SLC23A2: variants seen among roughly 807,000 people sequenced by gnomAD.
SLC23A2 encodes Na(+)/L-ascorbic acid transporter 2.
A neutral mutation model predicts 73.3 loss-of-function variants in SLC23A2; 36 were observed. The observed-to-expected ratio is 0.49, with a 90% CI of 0.38 to 0.65. The LOEUF (loss-of-function observed/expected upper bound fraction) is 0.65, where lower values mean the gene tolerates loss of function less well. Ranked by LOEUF, SLC23A2 falls within the 30% of genes least tolerant of loss-of-function variation. SLC23A2 has a pLI of 0.00. For synonymous variants in SLC23A2, 343 were observed against 327.3 expected, an observed-to-expected ratio of 1.05 and a Z score of -0.52; for missense variants, 507 against 841.6, an observed-to-expected ratio of 0.60 and a Z score of 4.92.
chr20:4,882,989 G>T (rs1930952822), intron 9 of SLC23A2, among the ~76,000 whole-genome samples: 1 of 152,154 alleles, frequency 6.6e-6, no homozygotes, highest in Admixed American at 6.5e-5. Flanking sequence ...AAAGAGTTCT[G>T]TGACTCTAAT....
chr20:4,993,847 T>C (rs529907545), intron 1 of SLC23A2, among the ~76,000 whole-genome samples: 1 of 152,082 alleles, frequency 6.6e-6, no homozygotes, highest in Non-Finnish European at 1.5e-5. Flanking sequence ...TTTAGGAGGC[T>C]TGAGCTCAAG....
At chr20:4,985,760 T>C (rs1451675382) in intron 1 of SLC23A2, among the ~76,000 whole-genome samples, 2 of 152,116 alleles carry the variant, frequency 1.3e-5, no homozygotes, top group African/African-American at 4.8e-5. Flanking sequence ...AACCACATAT[T>C]GTATGATACC....
intron 9 of SLC23A2, among the ~76,000 whole-genome samples, chr20:4,877,241 A>T (rs1043020097): frequency 1.3e-5 from 2 of 152,190 alleles, no homozygotes; most frequent in African/African-American, 2.4e-5. Context: ...CTTTAATTGA[A>T]AAACTGTATC....
intron 4 of SLC23A2, among the ~76,000 whole-genome samples, chr20:4,910,866 G>A (rs1240130080): frequency 1.3e-5 from 2 of 152,156 alleles, no homozygotes; most frequent in South Asian, 2.1e-4. Flanking sequence ...ATGTATCAAT[G>A]TTTAGACAAT....
chr20:4,954,698 C>CAAAAAA (rs200579910), intron 2 of SLC23A2, among the ~76,000 whole-genome samples: 25 of 54,850 alleles, frequency 4.6e-4, no homozygotes, highest in African/African-American at 1.1e-3. Context: ...GACTCCATCA[C>CAAAAAA]AAAAAAAAAA....
chr20:4,859,146 C>A, intron 16 of SLC23A2, 143 bp downstream of exon 16: 2 of 620,328 alleles, frequency 3.2e-6, no homozygotes, highest in Non-Finnish European at 5.8e-6. Flanking sequence ...AGTGCCATCA[C>A]AACTGTTTTA....
chr20:4,884,099 T>C (rs1931002577), intron 8 of SLC23A2, among the ~76,000 whole-genome samples: 1 of 152,138 alleles, frequency 6.6e-6, no homozygotes, highest in Admixed American at 6.5e-5. Flanking sequence ...GGCAAAAATT[T>C]ATAATTCCCT....
In SLC23A2 at chr20:4,868,734, T is replaced by A. The variant is rs1371173036; in HGVS notation, c.1251-859A>T. On this transcript the variant is annotated intron_variant, in intron 12 of 16. Coordinates refer to ENST00000338244, the MANE Select transcript of SLC23A2 (RefSeq NM_005116.6). The surrounding 1 kb of genome is among the most constrained non-coding windows in gnomAD (Gnocchi z 4.4). ...GCCAAGGCCCAGTCCATTAATCTCA[T>A]CACACACAGTCCCTTCTGGGGTTAC... is the stretch of plus-strand genomic sequence containing the variant. Among the ~76,000 whole-genome samples the A allele has an allele frequency of 1.3e-5, 2 of 152,176 alleles. No homozygotes were observed. Among genetic ancestry groups the A allele is most frequent in the Non-Finnish European group, 2.9e-5 (2 of 68,026 alleles).
intron 2 of SLC23A2, among the ~76,000 whole-genome samples, chr20:4,938,999 T>G (rs527311236): frequency 6.6e-6 from 1 of 152,096 alleles, no homozygotes; most frequent in African/African-American, 2.4e-5. Context: ...CCCAACACTT[T>G]GGGAGACCCA....
rs537084309 is a variant in SLC23A2 at position 4,947,682 on chromosome 20, A to G, written c.-154-14966T>C. Among the ~76,000 whole-genome samples the G allele has an allele frequency of 3.3e-5, 5 of 152,318 alleles. No homozygotes were observed. The highest frequency in any genetic ancestry group is 2.9e-5 in the Non-Finnish European group (2 of 68,030). ...AGAGGTTGATTTATCTCTGCAAAAA[A>G]GCTCAGGGCCAATGTTGTGGGTCCA... On this transcript the variant is annotated intron_variant, in intron 2 of 16. Transcript: ENST00000338244. This position sits in a 1 kb window ranked among gnomAD's most constrained non-coding sequence, Gnocchi z 4.4.
At chr20:4,972,583 TG>T (rs200052662) in intron 1 of SLC23A2, among the ~76,000 whole-genome samples, 11 of 149,816 alleles carry the variant, frequency 7.3e-5, no homozygotes, top group South Asian at 6.4e-4. Flanking sequence ...GGGGTTTTTT[TG>T]TTGTTGTTGT....
chr20:5,006,037 A>G (rs1311259660), upstream of SLC23A2, among the ~76,000 whole-genome samples: 1 of 152,178 alleles, frequency 6.6e-6, no homozygotes, highest in African/African-American at 2.4e-5. Flanking sequence ...AAATTTCCAC[A>G]GATTTCTTAT....
intron 2 of SLC23A2, among the ~76,000 whole-genome samples, chr20:4,936,372 C>A (rs2086962031): frequency 1.3e-5 from 2 of 152,162 alleles, no homozygotes; most frequent in African/African-American, 2.4e-5. Context: ...TCCAAGGGAC[C>A]AATAAGCTCT....
At chr20:4,989,468 G>A (rs893822710) in intron 1 of SLC23A2, among the ~76,000 whole-genome samples, 2 of 152,056 alleles carry the variant, frequency 1.3e-5, no homozygotes, top group African/African-American at 4.8e-5. Context: ...TTTCATATAC[G>A]CCTTAGACAC....
chr20:4,961,334 G>A (rs1223200434), intron 2 of SLC23A2, among the ~76,000 whole-genome samples: 5 of 151,822 alleles, frequency 3.3e-5, no homozygotes, highest in Admixed American at 1.3e-4. Context: ...CGCCCACCTT[G>A]GCCTCCCAAA....
chr20:4,866,186 C>G (rs1191312437), intron 13 of SLC23A2, among the ~76,000 whole-genome samples: 2 of 152,180 alleles, frequency 1.3e-5, no homozygotes. Context: ...ATCCTTAATA[C>G]AATGTAATTG....
chr20:4,952,733 T>A (rs979151445), intron 2 of SLC23A2, among the ~76,000 whole-genome samples: 2 of 152,146 alleles, frequency 1.3e-5, no homozygotes, highest in Non-Finnish European at 2.9e-5. Flanking sequence ...ATAAGAAATG[T>A]AATTAAATAG....
At chr20:4,921,994 C>A (rs1327895646) in intron 3 of SLC23A2, among the ~76,000 whole-genome samples, 1 of 152,140 alleles carries the variant, frequency 6.6e-6, no homozygotes, top group Non-Finnish European at 1.5e-5. Flanking sequence ...TGCCTCGAAA[C>A]CTCCAATATC....
intron 3 of SLC23A2, among the ~76,000 whole-genome samples, chr20:4,926,051 G>A (rs945792221): frequency 2.6e-5 from 4 of 152,320 alleles, no homozygotes; most frequent in Middle Eastern, 3.4e-3. Flanking sequence ...ATGGAGGAAC[G>A]TGAGGCTGTG....
Sources: allele counts gnomAD v4.1 joint callset (sites outside exome capture counted in the v4.1 genomes callset), GRCh38; gene constraint gnomAD v4.1.1; non-coding constraint Gnocchi (gnomAD v3.1); transcripts MANE v1.5; gene names NCBI Gene and HGNC (gene_info 2026-07-23, HGNC 2026-07-21).